RYK: variants seen among roughly 807,000 people sequenced by gnomAD.
The protein encoded by RYK is receptor like tyrosine kinase.
A neutral mutation model predicts 70.2 loss-of-function variants in RYK; 21 were observed. That is an observed-to-expected ratio of 0.30 (90% CI 0.21 to 0.43). The LOEUF (loss-of-function observed/expected upper bound fraction) is 0.43, where lower values mean the gene tolerates loss of function less well. Among genes scored for constraint, RYK ranks in the 20% least tolerant of loss-of-function variants. The pLI is 1.00. For missense variants in RYK, 604 were observed against 753.3 expected (o/e 0.80, Z 2.32); for synonymous variants, 267 against 278.0 (o/e 0.96, Z 0.39).
In RYK at chr3:134,202,814, A is replaced by G; in HGVS notation, c.704T>C (p.Val235Ala). 6.2e-7 allele frequency: 1 copy of G among 1,613,492 alleles called. No individual in the cohort carries two copies. The highest frequency in any genetic ancestry group is 8.5e-7 in the Non-Finnish European group (1 of 1,179,550). Residue 235 changes from valine (V) to alanine (A), a missense_variant, in exon 6 of 15, where the codon GTT becomes GCT. Physicochemically the swap from Val to Ala is moderately conservative, Grantham distance 64. Transcript: ENST00000623711. ...TACGAGAAATATTACTGCACAACAA[A>G]CCCCTACACTAATATAAAACACACG... is the stretch of plus-strand genomic sequence containing the variant. ...STRVFYISVG[V>A]CCAVIFLVAI...
At chr3:134,246,303 TACACACAC>T (rs71139521) in intron 1 of RYK, among the ~76,000 whole-genome samples, 18 of 89,198 alleles carry the variant, frequency 2.0e-4, no homozygotes, top group Admixed American at 3.6e-4. Context: ...CAGAAAGAAA[TACACACAC>T]ACACACACAC....
At chr3:134,242,496 G>C in intron 1 of RYK, among the ~76,000 whole-genome samples, 1 of 152,102 alleles carries the variant, frequency 6.6e-6, no homozygotes, top group Non-Finnish European at 1.5e-5. Flanking sequence ...AGAAAATATT[G>C]CACTTGATTT....
chr3:134,159,543 G>C (rs143643526), intron 13 of RYK, among the ~76,000 whole-genome samples, 170 bp from the exon 14 acceptor site: 61 of 152,274 alleles, frequency 4.0e-4, no homozygotes, highest in African/African-American at 1.4e-3. Context: ...CCCTTGCTAA[G>C]ATAAAAAAGA....
intron 1 of RYK, among the ~76,000 whole-genome samples, chr3:134,234,385 T>C (rs755990673): frequency 6.6e-5 from 10 of 152,120 alleles, no homozygotes; most frequent in Non-Finnish European, 1.0e-4. Context: ...AATACCCAGT[T>C]AAACCAAAGA....
At chr3:134,222,852 G>A (rs2014781702) in intron 1 of RYK, among the ~76,000 whole-genome samples, 1 of 152,158 alleles carries the variant, frequency 6.6e-6, no homozygotes, top group Admixed American at 6.6e-5. Context: ...TCTGGACACA[G>A]TGCTTCTTAG....
intron 13 of RYK, among the ~76,000 whole-genome samples, chr3:134,172,372 C>G (rs1024528770): frequency 6.6e-6 from 1 of 152,202 alleles, no homozygotes; most frequent in Non-Finnish European, 1.5e-5. Flanking sequence ...TGTTCTACAA[C>G]CAAAGCCAAA....
intron 13 of RYK, among the ~76,000 whole-genome samples, chr3:134,166,241 C>T (rs937821820): frequency 2.6e-5 from 4 of 152,110 alleles, no homozygotes; most frequent in South Asian, 4.1e-4. Context: ...AAAGAGACCA[C>T]CAGAGAGCTC....
intron 6 of RYK, among the ~76,000 whole-genome samples, chr3:134,199,014 G>A (rs189825863): frequency 1.1e-4 from 16 of 152,308 alleles, no homozygotes; most frequent in Admixed American, 7.8e-4. Context: ...AACAGGGAAA[G>A]ACTACAGTAG....
intron 6 of RYK, 29 bp downstream of exon 6, chr3:134,202,701 T>C (rs2014063523): frequency 6.2e-7 from 1 of 1,605,686 alleles, no homozygotes; most frequent in Non-Finnish European, 8.5e-7. Context: ...TGCTTTCATT[T>C]TTTTTCTTTC....
intron 2 of RYK, among the ~76,000 whole-genome samples, chr3:134,213,246 A>G (rs2014455596): frequency 6.6e-6 from 1 of 152,242 alleles, no homozygotes; most frequent in Non-Finnish European, 1.5e-5. Flanking sequence ...CAGCACCGCC[A>G]GCAAGAACTG....
intron 13 of RYK, among the ~76,000 whole-genome samples, chr3:134,173,529 C>T (rs1576504260): frequency 6.6e-6 from 1 of 152,146 alleles, no homozygotes; most frequent in African/African-American, 2.4e-5. Flanking sequence ...AAGCAGGCAC[C>T]TTCCTCACAG....
intron 2 of RYK, 34 bp downstream of exon 2, chr3:134,222,384 C>G (rs989148382): frequency 1.9e-6 from 3 of 1,611,444 alleles, no homozygotes; most frequent in Non-Finnish European, 2.5e-6. Flanking sequence ...CTGGGTGACC[C>G]TGTCATGATG....
chr3:134,250,361 G>A, intron 1 of RYK, 62 bp downstream of exon 1: 1 of 1,091,214 alleles, frequency 9.2e-7, no homozygotes, highest in South Asian at 2.2e-5. Context: ...TGATCCGCCG[G>A]CGGCCGGAAG....
rs2012293669 is a variant in RYK, at chr3:134,157,657, T to C, written c.*496A>G. 1 of 152,692 alleles carries C rather than the reference T, an allele frequency of 6.5e-6. No homozygotes were observed. The highest frequency in any genetic ancestry group is 2.1e-4 in the South Asian group (1 of 4,836). 9.5% of individuals were successfully genotyped at this position (152,692 alleles called of 1,614,324 possible). On this transcript the variant is annotated 3_prime_UTR_variant, in exon 15 of 15. Transcript: ENST00000623711. Reference sequence around the variant, plus strand: ...TTGTACAAGGCAGACCAGGTATCTTTTTATGCTGTTTTTCCTTTACTAAGA... The same window carrying C: ...TTGTACAAGGCAGACCAGGTATCTTCTTATGCTGTTTTTCCTTTACTAAGA...
At chr3:134,240,627 T>A (rs1370400741) in intron 1 of RYK, among the ~76,000 whole-genome samples, 1 of 152,180 alleles carries the variant, frequency 6.6e-6, no homozygotes, top group South Asian at 2.1e-4. Context: ...GGAGGTCAGA[T>A]CTTAGGATGT....
chr3:134,248,079 A>G (rs1443278191), intron 1 of RYK, among the ~76,000 whole-genome samples: 1 of 152,154 alleles, frequency 6.6e-6, no homozygotes, highest in African/African-American at 2.4e-5. Flanking sequence ...TACCTGGAGG[A>G]GCCAAGGAAT....
intron 2 of RYK, among the ~76,000 whole-genome samples, chr3:134,213,470 T>C (rs1236598955): frequency 6.6e-6 from 1 of 152,198 alleles, no homozygotes; most frequent in East Asian, 1.9e-4. Context: ...CACTTCTCCA[T>C]AATCATCAGC....
intron 13 of RYK, among the ~76,000 whole-genome samples, chr3:134,164,993 A>AT (rs1205417724): frequency 6.6e-6 from 1 of 152,172 alleles, no homozygotes; most frequent in African/African-American, 2.4e-5. Context: ...TGTTGATAAT[A>AT]TTTTTCAAAC....
intron 2 of RYK, among the ~76,000 whole-genome samples, chr3:134,220,873 T>G (rs1199949668): frequency 1.3e-5 from 2 of 152,200 alleles, no homozygotes; most frequent in African/African-American, 4.8e-5. Context: ...AGGGAAACTG[T>G]GTAATGGTGA....
Sources: allele counts gnomAD v4.1 joint callset (sites outside exome capture counted in the v4.1 genomes callset), GRCh38; gene constraint gnomAD v4.1.1; transcripts MANE v1.5; gene names NCBI Gene and HGNC (gene_info 2026-07-23, HGNC 2026-07-21).